Variants in REEP4 observed in about 807,000 individuals in gnomAD.
The protein encoded by REEP4 is receptor expression-enhancing protein 4.
Under a neutral mutation model 33.5 loss-of-function variants are expected in REEP4, and 17 were observed. That is an observed-to-expected ratio of 0.51 (90% CI 0.35 to 0.76). The LOEUF is 0.76. Among genes scored for constraint, REEP4 ranks in the 30% least tolerant of loss-of-function variants. REEP4 has a pLI of 0.01. For missense variants in REEP4, 340 were observed against 357.9 expected (o/e 0.95, Z 0.40); for synonymous variants, 157 against 142.9 (o/e 1.10, Z -0.70).
Position 22,139,491 on chromosome 8 carries a change from G to T in REEP4, c.342C>A (p.Ser114Arg). Residue 114 changes from serine to arginine, a missense_variant, in exon 5 of 8, where the codon AGC becomes AGA. Transcript: ENST00000306306. ...DAYIVQAKER[S>R]YETVLSFGKR... is the part of the protein sequence containing the mutation. ...TCCCGAAGCTGAGCACGGTCTCGTAGCTGCGCTCCTTGGCCTGCACGATGT... is the reference window on the plus strand; with the variant it reads ...TCCCGAAGCTGAGCACGGTCTCGTATCTGCGCTCCTTGGCCTGCACGATGT... The T allele has an allele frequency of 6.2e-7, 1 of 1,610,864 alleles. No homozygotes were observed. Among genetic ancestry groups the T allele is most frequent in the Non-Finnish European group, 8.5e-7 (1 of 1,179,906 alleles).
chr8:22,139,851 G>T, intron 4 of REEP4, 112 bp downstream of exon 4: 1 of 1,342,272 alleles, frequency 7.5e-7, no homozygotes, highest in Non-Finnish European at 1.0e-6. Flanking sequence ...CCCCTCAATA[G>T]CAGCAGGACT....
Position 22,138,749 on chromosome 8 carries a change from A to G in REEP4, c.598T>C (p.Cys200Arg). The change falls in exon 7 of 8, where the codon TGT becomes CGT. Residue 200 changes from cysteine (C) to arginine (R), a missense_variant. Coordinates refer to ENST00000306306, the MANE Select transcript of REEP4 (RefSeq NM_025232.4). ...GGGACTGCCTCAGTATCTGACCAAC[A>G]CTCATCCTCGGTGTCGCTGTCCTGC... ...GLQDSDTEDE[C>R]WSDTEAVPRA... 6.2e-7 allele frequency: 1 copy of G among 1,608,770 alleles called. No individual in the cohort carries two copies. The highest frequency in any genetic ancestry group is 8.5e-7 in the Non-Finnish European group (1 of 1,178,540).
chr8:22,138,989 C>T lies in REEP4; in HGVS notation c.490G>A (p.Ala164Thr), dbSNP rs749158654. ...QDLRSISDAP[A>T]PAYHDPLYLE... ...TAGAGGGGGTCATGGTAGGCAGGGG[C>T]AGGTGCGTCAGAGATGGAGCGCAGG... The change falls in exon 6 of 8, where the codon GCC becomes ACC. Residue 164 changes from alanine to threonine, a missense_variant. Ala to Thr is a moderately conservative substitution (Grantham distance 58). Coordinates refer to ENST00000306306, the MANE Select transcript of REEP4 (RefSeq NM_025232.4). The T allele has an allele frequency of 6.2e-7, 1 of 1,608,304 alleles. No individual in the cohort carries two copies. Among genetic ancestry groups the T allele is most frequent in the South Asian group, 1.1e-5 (1 of 90,322 alleles).
At chr8:22,139,199 C>T (rs1482269962) in intron 5 of REEP4, 138 bp from the exon 6 acceptor site, 1 of 1,250,284 alleles carries the variant, frequency 8.0e-7, no homozygotes, top group Non-Finnish European at 1.1e-6. Flanking sequence ...CAACAGGAAA[C>T]CAAAGTCAGA....
rs1040679031 is a variant in REEP4 at position 22,138,620 on chromosome 8, G to A, written c.708+19C>T. 6.8e-6 allele frequency: 11 copies of A among 1,613,820 alleles called. No homozygotes were observed. The highest frequency in any genetic ancestry group is 9.3e-6 in the Non-Finnish European group (11 of 1,180,004). On this transcript the variant is annotated intron_variant, in intron 7 of 7. Transcript: ENST00000306306. ...AGCCAGCAGAGCCCTCCTCCCTCCT[G>A]TCGTCCTCCCACACTGACCTCCCGC...
chr8:22,140,564 C>A, intron 2 of REEP4, 61 bp downstream of exon 2: 2 of 1,463,098 alleles, frequency 1.4e-6, no homozygotes, highest in Non-Finnish European at 1.9e-6. Context: ...AGGGAGAGGC[C>A]AACTGAGACC....
chr8:22,139,064 G>A lies in REEP4; in HGVS notation c.418-3C>T, dbSNP rs1357065559. On this transcript the variant is annotated splice_region_variant and splice_polypyrimidine_tract_variant and intron_variant, in intron 5 of 7. Coordinates refer to ENST00000306306, the MANE Select transcript of REEP4 (RefSeq NM_025232.4). ...CTGCCGGCCAGCGCCCCCTGACTCT[G>A]CGAGGGGGAAGAGGCTTCAGCGGGG... The A allele has an allele frequency of 6.4e-7, 1 of 1,567,248 alleles. No homozygotes were observed. The highest frequency in any genetic ancestry group is 2.3e-5 in the East Asian group (1 of 44,390).
intron 4 of REEP4, 23 bp downstream of exon 4, chr8:22,139,940 C>T: frequency 7.7e-6 from 12 of 1,566,072 alleles, no homozygotes; most frequent in Non-Finnish European, 9.5e-6. Context: ...CTAAGCCTCC[C>T]TTCCCGCTTC....
chr8:22,140,833 C>G, intron 1 of REEP4, 136 bp from the exon 2 acceptor site: 1 of 741,022 alleles, frequency 1.3e-6, no homozygotes, highest in South Asian at 1.7e-5. Flanking sequence ...CAACCCGTGC[C>G]TGAGTCAGAG....
intron 3 of REEP4, 25 bp downstream of exon 3, chr8:22,140,147 T>C (rs374678452): frequency 2.2e-5 from 35 of 1,613,700 alleles, no homozygotes; most frequent in South Asian, 4.4e-5. Flanking sequence ...CCCTGACCCA[T>C]GGCTTGCGGA....
Position 22,138,354 on chromosome 8 carries a change from C to G in REEP4, c.*133G>C. 1 of 1,052,272 alleles carries G rather than the reference C, an allele frequency of 9.5e-7. No homozygotes were observed. The highest frequency in any genetic ancestry group is 2.5e-5 in the East Asian group (1 of 39,668). The allele number at this position is 1,052,272 out of a possible 1,614,324, so 65.2% of individuals were successfully genotyped here. A position where few individuals can be genotyped will look rare whatever the true frequency, so the allele number is the denominator to read the frequency against. On this transcript the variant is annotated 3_prime_UTR_variant, in exon 8 of 8. Transcript: ENST00000306306. ...GGCAGCATCTGCTCCCGGCCCTTAA[C>G]CATCAGCAGGAGTCAGGAGGGTGGG...
At chr8:22,139,127 G>C in intron 5 of REEP4, 66 bp from the exon 6 acceptor site, 2 of 1,541,950 alleles carry the variant, frequency 1.3e-6, no homozygotes, top group Non-Finnish European at 1.8e-6. Context: ...GCTAATCACC[G>C]GAGCTGAGAC....
rs1586401064 is a variant in REEP4 at position 22,141,620 on chromosome 8, G to GC, written c.-139dup. The GC allele has an allele frequency of 1.2e-6, 1 of 856,064 alleles. No homozygotes were observed. Among genetic ancestry groups the GC allele is most frequent in the African/African-American group, 1.8e-5 (1 of 56,734 alleles). The allele number at this position is 856,064 out of a possible 1,614,324, so 53.0% of individuals were successfully genotyped here. A position where few individuals can be genotyped will look rare whatever the true frequency, so the allele number is the denominator to read the frequency against. The stretch of plus-strand genomic sequence containing the variant: ...CCGGCTGTCCCTCGGCGGAGGCAGA[G>GC]CCCGCCGCCCACGGCCTCCGACTGT... On this transcript the variant is annotated 5_prime_UTR_variant, in exon 1 of 8. Transcript: ENST00000306306.
intron 1 of REEP4, among the ~76,000 whole-genome samples, 171 bp downstream of exon 1, chr8:22,141,279 GC>G (rs1308666827): frequency 6.6e-6 from 1 of 152,242 alleles, no homozygotes; most frequent in Non-Finnish European, 1.5e-5. Context: ...GGGGCGGGTA[GC>G]CTGCGGTGCC....
At chr8:22,140,288 G>A (rs766044907) in intron 2 of REEP4, 40 bp from the exon 3 acceptor site, 22 of 1,603,596 alleles carry the variant, frequency 1.4e-5, no homozygotes, top group Non-Finnish European at 1.5e-5. Context: ...GGGGCCTGCA[G>A]CACCAACTCC....
At chr8:22,139,597 G>A in intron 4 of REEP4, 68 bp from the exon 5 acceptor site, 2 of 1,314,994 alleles carry the variant, frequency 1.5e-6, no homozygotes, top group Non-Finnish European at 2.1e-6. Flanking sequence ...CAGATTCTGA[G>A]AAGCCACTGG....
rs1827169931 is a variant in REEP4 at position 22,138,658 on chromosome 8, C to T, written c.689G>A (p.Arg230Lys). ...IRSQSLRVVKRKPPVREGTSR... is the reference protein window; with the variant it reads ...IRSQSLRVVKKKPPVREGTSR... The stretch of plus-strand genomic sequence containing the variant: ...ACTGACCTCCCGCACCGGTGGCTTC[C>T]TCTTGACCACACGCAGGCTCTGGCT... Residue 230 changes from arginine (R) to lysine (K), a missense_variant, in exon 7 of 8, where the codon AGG becomes AAG. Physicochemically the swap from Arg to Lys is conservative, Grantham distance 26. Transcript: ENST00000306306. 1 of 1,613,978 alleles carries T rather than the reference C, an allele frequency of 6.2e-7. No individual in the cohort carries two copies. Among genetic ancestry groups the T allele is most frequent in the African/African-American group, 1.3e-5 (1 of 75,076 alleles).
At position 22,138,469 on chromosome 8, in the gene REEP4, G is replaced by A. The variant is rs531205511; in HGVS notation, c.*18C>T. ...CCCTGCAGGGCACGAGGTAAGAAGG[G>A]GGCAGATGCAGCAGACCCTAGCTGT... On this transcript the variant is annotated 3_prime_UTR_variant, in exon 8 of 8. Coordinates refer to ENST00000306306, the MANE Select transcript of REEP4 (RefSeq NM_025232.4). The A allele has an allele frequency of 2.5e-6, 4 of 1,612,820 alleles. No homozygotes were observed. The highest frequency in any genetic ancestry group is 3.4e-6 in the Non-Finnish European group (4 of 1,179,996).
chr8:22,140,108 G>A (rs769710215), intron 3 of REEP4, 25 bp from the exon 4 acceptor site: 3 of 1,614,066 alleles, frequency 1.9e-6, no homozygotes, highest in Non-Finnish European at 2.5e-6. Context: ...GGGGCAGGGT[G>A]AGCCAAGGAG....
Sources: allele counts gnomAD v4.1 joint callset (sites outside exome capture counted in the v4.1 genomes callset), GRCh38; gene constraint gnomAD v4.1.1; transcripts MANE v1.5; gene names NCBI Gene and HGNC (gene_info 2026-07-23, HGNC 2026-07-21).